The following NR6A1 variants were observed in gnomAD, a reference collection of about 807,000 sequenced individuals.
NR6A1 encodes retinoic acid receptor-related testis-associated receptor.
Under a neutral mutation model 59.1 loss-of-function variants are expected in NR6A1, and 7 were observed. The ratio of observed to expected loss-of-function variants is 0.12; its 90% CI spans 0.07 to 0.22. The LOEUF is 0.22. Ranked by LOEUF, NR6A1 falls within the 10% of genes least tolerant of loss-of-function variation. NR6A1 has a pLI of 1.00. For missense variants in NR6A1, 468 were observed against 611.6 expected (o/e 0.77, Z 2.48); for synonymous variants, 243 against 236.1 (o/e 1.03, Z -0.27).
intron 2 of NR6A1, among the ~76,000 whole-genome samples, chr9:124,630,556 T>G (rs547584911): frequency 1.3e-5 from 2 of 150,496 alleles, no homozygotes; most frequent in East Asian, 2.0e-4. Flanking sequence ...TTAAAACCAG[T>G]GGAGGCTGGC....
In NR6A1 at chr9:124,551,873, C is replaced by CCA. The variant is rs535110463; in HGVS notation, c.385+2453_385+2454dup. 3.2e-4 allele frequency among the ~76,000 whole-genome samples: 49 copies of CCA among 152,298 alleles called. No individual in the cohort carries two copies. In the East Asian group the frequency reaches 8.9e-3, roughly 28 times the overall value. ...AACATTCCTTACCCCCAAAATACTC[C>CCA]CACGGCAACTGCAATTTTAATCCTG... On this transcript the variant is annotated intron_variant, in intron 3 of 9. Transcript: ENST00000487099.
chr9:124,671,450 T>C (rs1413137212), intron 2 of NR6A1, among the ~76,000 whole-genome samples: 1 of 152,218 alleles, frequency 6.6e-6, no homozygotes, highest in African/African-American at 2.4e-5. Flanking sequence ...CTGTATTACT[T>C]TGTCATGGTA....
intron 2 of NR6A1, among the ~76,000 whole-genome samples, chr9:124,568,199 A>G (rs1834330297): frequency 6.7e-6 from 1 of 149,104 alleles, no homozygotes; most frequent in South Asian, 2.1e-4. Context: ...AAAAAAAGAA[A>G]CAGAGGCTGG....
rs1841146448 is a variant in NR6A1, at chr9:124,771,104, G to A, written c.16C>T (p.Pro6Ser). ...CCGCCTCCCCCTCCGCTAGGCGGCG[G>A]TTCGTCCCGCTCCATGCGGTGGTGC... MERDE[P>S]PPSGGGGGGG... Residue 6 changes from proline (P) to serine (S), a missense_variant, in exon 1 of 10, where the codon CCG becomes TCG. Coordinates refer to ENST00000487099, the MANE Select transcript of NR6A1 (RefSeq NM_033334.4). The A allele has an allele frequency of 8.1e-6, 10 of 1,229,820 alleles. No individual in the cohort carries two copies. Among genetic ancestry groups the A allele is most frequent in the Non-Finnish European group, 1.0e-5 (10 of 986,436 alleles). The allele number at this position is 1,229,820 out of a possible 1,614,324, so 76.2% of individuals were successfully genotyped here.
intron 2 of NR6A1, among the ~76,000 whole-genome samples, chr9:124,717,646 G>A (rs1839441985): frequency 6.6e-6 from 1 of 152,224 alleles, no homozygotes; most frequent in Non-Finnish European, 1.5e-5. Context: ...TGGATTACTA[G>A]GGTGCACACA....
chr9:124,758,786 T>C (rs557426564), intron 1 of NR6A1, among the ~76,000 whole-genome samples: 91 of 152,198 alleles, frequency 6.0e-4, no homozygotes, highest in South Asian at 1.7e-3. Context: ...AGAGGGATGA[T>C]TGAACAGTAT....
At chr9:124,756,692 T>C (rs923422362) in intron 1 of NR6A1, among the ~76,000 whole-genome samples, 3 of 152,218 alleles carry the variant, frequency 2.0e-5, no homozygotes, top group Admixed American at 6.5e-5. Context: ...GGAATGCAAG[T>C]TTAAATTCTC....
In NR6A1 at chr9:124,586,943, T is replaced by G. The variant is rs529163484; in HGVS notation, c.143-32373A>C. Among the ~76,000 whole-genome samples the G allele has an allele frequency of 2.2e-4, 33 of 152,356 alleles. No individual in the cohort carries two copies. In the South Asian group the frequency reaches 6.2e-3, roughly 29 times the overall value. ...ACATGAATTTTGAAAGAGGTTCTAC[T>G]GTGAATAAAATGCTATTAAACAGCA... On this transcript the variant is annotated intron_variant, in intron 2 of 9. Transcript: ENST00000487099.
chr9:124,526,904 A>C lies in NR6A1; in HGVS notation c.1080-4T>G. ...CTCCATCCCTTCATCACTAAATCTG[A>C]GGAACAGACACAGGTGTTAACAGTT... On this transcript the variant is annotated splice_polypyrimidine_tract_variant and splice_region_variant and intron_variant, in intron 7 of 9. Transcript: ENST00000487099. 4.3e-6 allele frequency: 7 copies of C among 1,613,734 alleles called. No homozygotes were observed. The highest frequency in any genetic ancestry group is 5.9e-6 in the Non-Finnish European group (7 of 1,179,708).
intron 2 of NR6A1, among the ~76,000 whole-genome samples, chr9:124,601,415 T>C (rs1835443515): frequency 6.6e-6 from 1 of 150,630 alleles, no homozygotes; most frequent in Non-Finnish European, 1.5e-5. Context: ...AAACCCCATC[T>C]CTACTAAAAA....
chr9:124,708,544 T>C (rs192670204), intron 2 of NR6A1, among the ~76,000 whole-genome samples: 2 of 152,268 alleles, frequency 1.3e-5, no homozygotes, highest in Admixed American at 6.5e-5. Context: ...AAATTTCACT[T>C]AGGAGGGAAA....
chr9:124,644,793 C>A (rs1246036482), intron 2 of NR6A1, among the ~76,000 whole-genome samples: 1 of 152,140 alleles, frequency 6.6e-6, no homozygotes, highest in Non-Finnish European at 1.5e-5. Context: ...ACAGTGTGTA[C>A]CCCAAGGACC....
chr9:124,765,426 T>C (rs1019419314), intron 1 of NR6A1, among the ~76,000 whole-genome samples: 1 of 152,224 alleles, frequency 6.6e-6, no homozygotes, highest in African/African-American at 2.4e-5. Flanking sequence ...ACGTAAGAAT[T>C]TGGCCAGTTT....
Position 124,521,991 on chromosome 9 carries a change from T to C in NR6A1, c.*714A>G, listed in dbSNP as rs953081164. ...TGCAGGGGTAAGGGGGGCAGCAAGGTGTGAGAACAGAAATTCTTCTGCCCT... is the reference window on the plus strand; with the variant it reads ...TGCAGGGGTAAGGGGGGCAGCAAGGCGTGAGAACAGAAATTCTTCTGCCCT... On this transcript the variant is annotated 3_prime_UTR_variant, in exon 10 of 10. Transcript: ENST00000487099. The C allele has an allele frequency of 1.3e-5, 2 of 152,130 alleles. No homozygotes were observed. The highest frequency in any genetic ancestry group is 2.9e-5 in the Non-Finnish European group (2 of 68,044). The allele number at this position is 152,130 out of a possible 1,614,324, so 9.4% of individuals were successfully genotyped here. A position where few individuals can be genotyped will look rare whatever the true frequency, so the allele number is the denominator to read the frequency against.
At chr9:124,665,319 A>T (rs1837580170) in intron 2 of NR6A1, among the ~76,000 whole-genome samples, 1 of 152,206 alleles carries the variant, frequency 6.6e-6, no homozygotes, top group Non-Finnish European at 1.5e-5. Flanking sequence ...ATAATGGAAA[A>T]ATACGCTCAG....
intron 2 of NR6A1, among the ~76,000 whole-genome samples, chr9:124,639,730 C>T (rs977932038): frequency 6.6e-6 from 1 of 152,156 alleles, no homozygotes; most frequent in African/African-American, 2.4e-5. Flanking sequence ...TTATCAAATG[C>T]TGCTGAGAGG....
chr9:124,754,066 A>G (rs766160995), intron 1 of NR6A1, among the ~76,000 whole-genome samples: 56 of 152,326 alleles, frequency 3.7e-4, no homozygotes, highest in East Asian at 1.5e-3. Flanking sequence ...AATGGAAAAG[A>G]AAGTCACTAG....
At chr9:124,682,301 C>T (rs942783666) in intron 2 of NR6A1, among the ~76,000 whole-genome samples, 1 of 152,056 alleles carries the variant, frequency 6.6e-6, no homozygotes, top group Non-Finnish European at 1.5e-5. Context: ...CGCGCCTGGC[C>T]GCAACTAACC....
chr9:124,655,991 C>T (rs890116601), intron 2 of NR6A1, among the ~76,000 whole-genome samples: 7 of 152,150 alleles, frequency 4.6e-5, no homozygotes, highest in Non-Finnish European at 8.8e-5. Flanking sequence ...AAATCTAACC[C>T]CTTATGTTGG....
Sources: allele counts gnomAD v4.1 joint callset (sites outside exome capture counted in the v4.1 genomes callset), GRCh38; gene constraint gnomAD v4.1.1; transcripts MANE v1.5; gene names NCBI Gene and HGNC (gene_info 2026-07-23, HGNC 2026-07-21).